The following RBFOX1 variants were observed in gnomAD, a reference collection of about 807,000 sequenced individuals.
RBFOX1 encodes RNA binding fox-1 homolog 1, also known as RNA binding protein fox-1 homolog 1.
In RBFOX1, 8 loss-of-function variants were observed where a neutral mutation model predicts 57.7. The ratio of observed to expected loss-of-function variants is 0.14; its 90% CI spans 0.08 to 0.25. The LOEUF is 0.25. Ranked by LOEUF, RBFOX1 falls within the 10% of genes least tolerant of loss-of-function variation. The probability of loss-of-function intolerance (pLI) is 1.00; values close to 1 mark genes in which losing one functional copy is unlikely to be tolerated. For synonymous variants in RBFOX1, 326 were observed against 222.4 expected, an observed-to-expected ratio of 1.47 and a Z score of -4.15; for missense variants, 611 against 548.5, an observed-to-expected ratio of 1.11 and a Z score of -1.14.
chr16:6,877,011 A>G (rs1408681626), intron 3 of RBFOX1, among the ~76,000 whole-genome samples: 2 of 152,192 alleles, frequency 1.3e-5, no homozygotes, highest in Non-Finnish European at 1.5e-5. Flanking sequence ...AATGCATACT[A>G]TATTTCTGCT....
chr16:7,383,142 A>G (rs1031996392), intron 4 of RBFOX1, among the ~76,000 whole-genome samples: 1 of 152,164 alleles, frequency 6.6e-6, no homozygotes, highest in Non-Finnish European at 1.5e-5. Flanking sequence ...TCTGTGCTTC[A>G]TTCAAGAATG....
intron 4 of RBFOX1, among the ~76,000 whole-genome samples, chr16:6,008,878 G>A (rs1056526104): frequency 1.2e-4 from 18 of 152,270 alleles, no homozygotes; most frequent in African/African-American, 3.9e-4. Context: ...AAGCAAGCTC[G>A]TCTTAGAGCT....
At chr16:5,368,415 C>T (rs2065778818) in intron 1 of RBFOX1, among the ~76,000 whole-genome samples, 1 of 152,086 alleles carries the variant, frequency 6.6e-6, no homozygotes, top group African/African-American at 2.4e-5. Flanking sequence ...CATCTCCCAC[C>T]CTCCCACTTC....
intron 5 of RBFOX1, among the ~76,000 whole-genome samples, chr16:7,533,094 C>T (rs573695313): frequency 2.6e-5 from 4 of 152,316 alleles, no homozygotes; most frequent in African/African-American, 7.2e-5. Context: ...TTGTCATAGT[C>T]GCCAGCACTG....
intron 4 of RBFOX1, among the ~76,000 whole-genome samples, chr16:7,494,995 C>A (rs528481311): frequency 6.6e-6 from 1 of 151,974 alleles, no homozygotes; most frequent in Non-Finnish European, 1.5e-5. Flanking sequence ...AGTAGTCCCC[C>A]GTGTCTGTTG....
chr16:6,298,290 C>T (rs1234798147), intron 1 of RBFOX1, among the ~76,000 whole-genome samples: 4 of 152,206 alleles, frequency 2.6e-5, no homozygotes, highest in East Asian at 3.9e-4. Context: ...TGCAGTTCTA[C>T]TGCACAGGGT....
At chr16:7,461,385 G>A (rs969181016) in intron 4 of RBFOX1, among the ~76,000 whole-genome samples, 2 of 152,028 alleles carry the variant, frequency 1.3e-5, no homozygotes, top group African/African-American at 2.4e-5. Flanking sequence ...CCAGGATGGT[G>A]TCCATCTGTT....
At chr16:5,443,503 A>G (rs1597088379) in intron 1 of RBFOX1, among the ~76,000 whole-genome samples, 1 of 152,028 alleles carries the variant, frequency 6.6e-6, no homozygotes, top group Non-Finnish European at 1.5e-5. Context: ...ACGCCCAGCT[A>G]ATATTTTTGT....
At chr16:5,483,478 G>C (rs944837820) in intron 2 of RBFOX1, among the ~76,000 whole-genome samples, 1 of 152,098 alleles carries the variant, frequency 6.6e-6, no homozygotes, top group Non-Finnish European at 1.5e-5. Context: ...AGCTCCTTCC[G>C]GATCTAATTG....
intron 1 of RBFOX1, among the ~76,000 whole-genome samples, chr16:6,218,481 G>T (rs965459613): frequency 6.6e-6 from 1 of 151,894 alleles, no homozygotes; most frequent in African/African-American, 2.4e-5. Flanking sequence ...GCTAATTTTT[G>T]TGTATTTTAG....
intron 3 of RBFOX1, among the ~76,000 whole-genome samples, chr16:6,810,288 C>A (rs557948556): frequency 1.3e-5 from 2 of 152,070 alleles, no homozygotes; most frequent in African/African-American, 4.8e-5. Flanking sequence ...TGGTCTGTCA[C>A]TGAAATTATT....
intron 3 of RBFOX1, among the ~76,000 whole-genome samples, chr16:5,724,704 T>G (rs1230727741): frequency 6.6e-6 from 1 of 152,134 alleles, no homozygotes; most frequent in Non-Finnish European, 1.5e-5. Flanking sequence ...AGAGCCCAGA[T>G]GGGAAGTAAG....
At chr16:7,418,235 A>T (rs960373300) in intron 4 of RBFOX1, among the ~76,000 whole-genome samples, 1 of 152,184 alleles carries the variant, frequency 6.6e-6, no homozygotes, top group African/African-American at 2.4e-5. Context: ...TTAAAAAGTT[A>T]TTGCAGAAGA....
At chr16:5,612,095 CCATT>C (rs142612268) in intron 3 of RBFOX1, among the ~76,000 whole-genome samples, 5 of 150,696 alleles carry the variant, frequency 3.3e-5, no homozygotes, top group African/African-American at 9.7e-5. Flanking sequence ...CCCATCCATC[CCATT>C]CATTCATTCA....
chr16:6,311,151 C>G (rs961444800), intron 1 of RBFOX1, among the ~76,000 whole-genome samples: 2 of 151,830 alleles, frequency 1.3e-5, no homozygotes, highest in Non-Finnish European at 2.9e-5. Context: ...AAAAAATTAG[C>G]TGGACGTTGT....
intron 3 of RBFOX1, among the ~76,000 whole-genome samples, chr16:6,787,292 A>G (rs566122172): frequency 6.6e-6 from 1 of 152,304 alleles, no homozygotes; most frequent in South Asian, 2.1e-4. Flanking sequence ...TTAAGAGCAA[A>G]AGCCAGGTTG....
chr16:7,157,685 C>G (rs1021940251), intron 4 of RBFOX1, among the ~76,000 whole-genome samples: 4 of 152,186 alleles, frequency 2.6e-5, no homozygotes, highest in African/African-American at 4.8e-5. Flanking sequence ...GCCATAGCCA[C>G]TCTACATGCA....
intron 4 of RBFOX1, among the ~76,000 whole-genome samples, chr16:7,268,253 T>C (rs956527189): frequency 6.6e-6 from 1 of 152,208 alleles, no homozygotes; most frequent in African/African-American, 2.4e-5. Context: ...GGTTAAGCTG[T>C]GTAGGACTGT....
At position 5,967,807 on chromosome 16, in the gene RBFOX1, C is replaced by T. The variant is rs147033864; in HGVS notation, c.351+100472C>T. The stretch of plus-strand genomic sequence containing the variant: ...GCTCAGAATTATAATACTCAGACTA[C>T]GTCAGTTTTTACTACCATCAATTCG... On this transcript the variant is annotated intron_variant, in intron 4 of 19. Transcript: ENST00000641259. Among the ~76,000 whole-genome samples the T allele has an allele frequency of 3.9e-4, 59 of 152,208 alleles. 1 individual carries two copies. The highest frequency in any genetic ancestry group is 3.3e-4 in the Admixed American group (5 of 15,286).
Sources: allele counts gnomAD v4.1 joint callset (sites outside exome capture counted in the v4.1 genomes callset), GRCh38; gene constraint gnomAD v4.1.1; transcripts MANE v1.5; gene names NCBI Gene and HGNC (gene_info 2026-07-23, HGNC 2026-07-21).